The following EYS variants were observed in gnomAD, a reference collection of about 807,000 sequenced individuals.
EYS encodes EGF-like photoreceptor maintenance factor, also known as protein eyes shut homolog.
EYS carries 250 observed loss-of-function variants against 282.1 expected under a neutral mutation model. The observed-to-expected ratio is 0.89, with a 90% CI of 0.80 to 0.98. EYS has a LOEUF of 0.98. Among genes scored for constraint, EYS ranks in the 50% least tolerant of loss-of-function variants. The pLI, the probability that EYS is intolerant of heterozygous loss-of-function variation, is 0.00. For synonymous variants in EYS, 1,355 were observed against 1,282.9 expected (o/e 1.06, Z -1.20); for missense variants, 4,016 against 3,709.0 (o/e 1.08, Z -2.15).
intron 15 of EYS, among the ~76,000 whole-genome samples, chr6:64,914,515 G>C (rs979781045): frequency 6.6e-6 from 1 of 151,966 alleles, no homozygotes; most frequent in African/African-American, 2.4e-5. Flanking sequence ...AGGAAAGAAG[G>C]AAGAAACAAA....
At chr6:64,376,063 A>G (rs1444080357) in intron 29 of EYS, among the ~76,000 whole-genome samples, 1 of 152,248 alleles carries the variant, frequency 6.6e-6, no homozygotes, top group Non-Finnish European at 1.5e-5. Context: ...CATGGAGATT[A>G]CAAAGCAAAA....
At chr6:65,099,372 T>G (rs575433850) in intron 12 of EYS, among the ~76,000 whole-genome samples, 1 of 150,868 alleles carries the variant, frequency 6.6e-6, no homozygotes, top group Non-Finnish European at 1.5e-5. Flanking sequence ...ATATTGAGAT[T>G]CATTCTTTGA....
chr6:65,564,340 A>C (rs190798769), intron 2 of EYS, among the ~76,000 whole-genome samples: 1 of 152,294 alleles, frequency 6.6e-6, no homozygotes, highest in African/African-American at 2.4e-5. Context: ...AAAAGAACAA[A>C]GTGGGAGGCA....
intron 12 of EYS, among the ~76,000 whole-genome samples, chr6:65,101,733 A>G (rs952302568): frequency 7.3e-5 from 11 of 151,308 alleles, no homozygotes; most frequent in African/African-American, 2.7e-4. Context: ...CTATTGGTAT[A>G]AGTATCAGAT....
At chr6:64,503,479 A>C (rs1777117030) in intron 26 of EYS, among the ~76,000 whole-genome samples, 1 of 152,188 alleles carries the variant, frequency 6.6e-6, no homozygotes, top group African/African-American at 2.4e-5. Context: ...GTGGAATTAA[A>C]GTGTTCTGGT....
At chr6:65,370,424 T>TA (rs36003353) in intron 8 of EYS, among the ~76,000 whole-genome samples, 30,827 of 145,922 alleles carry the variant, frequency 0.21, 3,741 homozygotes, top group Non-Finnish European at 0.27. Context: ...TCACACTAAT[T>TA]AAAAAAAAAA....
At chr6:64,616,489 G>A (rs1274244582) in intron 24 of EYS, among the ~76,000 whole-genome samples, 1 of 152,106 alleles carries the variant, frequency 6.6e-6, no homozygotes, top group Non-Finnish European at 1.5e-5. Context: ...AACAGCATTG[G>A]ACTTAAGCCC....
chr6:63,761,412 T>A (rs1011259379), intron 41 of EYS, among the ~76,000 whole-genome samples: 2 of 152,108 alleles, frequency 1.3e-5, no homozygotes, highest in Non-Finnish European at 2.9e-5. Context: ...TCCCATAAAC[T>A]ACTATTATTC....
intron 2 of EYS, among the ~76,000 whole-genome samples, chr6:65,512,003 A>G (rs1442364748): frequency 1.3e-5 from 2 of 150,856 alleles, no homozygotes; most frequent in African/African-American, 2.4e-5. Flanking sequence ...AAAAAAAAAA[A>G]AAAAAGAAAT....
chr6:64,119,880 G>C (rs898641343), intron 31 of EYS, among the ~76,000 whole-genome samples: 1 of 152,126 alleles, frequency 6.6e-6, no homozygotes, highest in Middle Eastern at 3.4e-3. Flanking sequence ...CTACTTTTTG[G>C]ATCCTTAAAA....
chr6:64,081,917 G>T lies in EYS; in HGVS notation c.6510C>A (p.Asn2170Lys). 6.5e-7 allele frequency: 1 copy of T among 1,542,370 alleles called. No homozygotes were observed. Among genetic ancestry groups the T allele is most frequent in the Non-Finnish European group, 8.8e-7 (1 of 1,139,088 alleles). ...TAGTCAAGTAGATGGTAACAGTTCTGTTATGTTCCTTCTCCAGGACAAACT... is the reference window on the plus strand; with the variant it reads ...TAGTCAAGTAGATGGTAACAGTTCTTTTATGTTCCTTCTCCAGGACAAACT... ...FLKFVLEKEH[N>K]RTVTIYLTIK... is the part of the protein sequence containing the mutation. The change falls in exon 32 of 43, where the codon AAC becomes AAA. Residue 2170 changes from asparagine (N) to lysine (K), a missense_variant. Asn to Lys is a moderately conservative substitution (Grantham distance 94). Coordinates refer to ENST00000503581, the MANE Select transcript of EYS (RefSeq NM_001142800.2).
At chr6:65,579,550 C>T (rs1331198) in intron 2 of EYS, among the ~76,000 whole-genome samples, 6,685 of 152,108 alleles carry the variant, frequency 0.044, 382 homozygotes, top group African/African-American at 0.13. Flanking sequence ...GGTGCCAGCA[C>T]GGTGAGGTTC....
intron 7 of EYS, among the ~76,000 whole-genome samples, chr6:65,401,717 T>C (rs2150363251): frequency 6.6e-6 from 1 of 151,968 alleles, no homozygotes; most frequent in Middle Eastern, 3.4e-3. Context: ...AGTGGATGCA[T>C]ATTCTAAGTT....
At chr6:65,332,145 C>G (rs1289669908) in intron 11 of EYS, 1 of 462,146 alleles carries the variant, frequency 2.2e-6, no homozygotes, top group Non-Finnish European at 3.8e-6. Context: ...TTTAACTTCT[C>G]TTATCAGATT....
At chr6:64,243,122 C>T (rs1355228766) in intron 30 of EYS, among the ~76,000 whole-genome samples, 1 of 149,340 alleles carries the variant, frequency 6.7e-6, no homozygotes, top group African/African-American at 2.5e-5. Flanking sequence ...ATAAAATCTC[C>T]AACTAAATAA....
intron 22 of EYS, among the ~76,000 whole-genome samples, chr6:64,741,811 A>G (rs1417433811): frequency 6.6e-6 from 1 of 152,206 alleles, no homozygotes; most frequent in East Asian, 1.9e-4. Flanking sequence ...AATTGAAGAC[A>G]GAGAGTCAGG....
chr6:64,652,401 G>C (rs1279153207), intron 22 of EYS, among the ~76,000 whole-genome samples: 13 of 152,136 alleles, frequency 8.5e-5, no homozygotes. Context: ...AAGGGGGCAA[G>C]GACCTAACGA....
At chr6:64,438,535 G>A (rs963320689) in intron 27 of EYS, among the ~76,000 whole-genome samples, 2 of 151,262 alleles carry the variant, frequency 1.3e-5, no homozygotes, top group African/African-American at 4.8e-5. Context: ...GATTCCCTAG[G>A]GTTTCCCAGA....
intron 22 of EYS, among the ~76,000 whole-genome samples, chr6:64,674,940 T>C (rs1240540310): frequency 6.6e-6 from 1 of 152,166 alleles, no homozygotes; most frequent in Non-Finnish European, 1.5e-5. Flanking sequence ...GATTTCTTTA[T>C]TTTCAGGGAC....
Sources: allele counts gnomAD v4.1 joint callset (sites outside exome capture counted in the v4.1 genomes callset), GRCh38; gene constraint gnomAD v4.1.1; transcripts MANE v1.5; gene names NCBI Gene and HGNC (gene_info 2026-07-23, HGNC 2026-07-21).